The following ATG10 variants were observed in gnomAD, a reference collection of about 807,000 sequenced individuals.
ATG10 encodes autophagy related 10.
Under a neutral mutation model 32.1 loss-of-function variants are expected in ATG10, and 30 were observed. The ratio of observed to expected loss-of-function variants is 0.94; its 90% CI spans 0.70 to 1.27. The LOEUF (loss-of-function observed/expected upper bound fraction) is 1.27, where lower values mean the gene tolerates loss of function less well. Ranked by LOEUF, ATG10 falls within the 50% of genes most tolerant of loss-of-function variation. The pLI is 0.00. For synonymous variants in ATG10, 87 were observed against 91.5 expected, an observed-to-expected ratio of 0.95 and a Z score of 0.28; for missense variants, 233 against 262.3, an observed-to-expected ratio of 0.89 and a Z score of 0.77.
chr5:82,204,304 A>G (rs1041709007), intron 5 of ATG10, among the ~76,000 whole-genome samples: 2 of 152,208 alleles, frequency 1.3e-5, no homozygotes, highest in East Asian at 1.9e-4. Flanking sequence ...CTGGGGTACA[A>G]TGAAGAGCAA....
At chr5:82,221,065 C>G (rs1745907445) in intron 5 of ATG10, among the ~76,000 whole-genome samples, 1 of 152,170 alleles carries the variant, frequency 6.6e-6, no homozygotes, top group Non-Finnish European at 1.5e-5. Context: ...CCTTCCATCT[C>G]TTTTATGGTT....
intron 5 of ATG10, among the ~76,000 whole-genome samples, chr5:82,192,387 A>G (rs1007194048): frequency 1.3e-5 from 2 of 152,174 alleles, no homozygotes; most frequent in Admixed American, 6.5e-5. Flanking sequence ...CAAGTAGAGA[A>G]TAGATTCTGG....
chr5:82,038,181 A>G (rs1762989114), intron 2 of ATG10, among the ~76,000 whole-genome samples: 1 of 152,238 alleles, frequency 6.6e-6, no homozygotes, highest in Non-Finnish European at 1.5e-5. Context: ...GGGAGAGTAA[A>G]GCAGAGGAGG....
At chr5:82,116,633 A>T (rs1001359803) in intron 3 of ATG10, among the ~76,000 whole-genome samples, 1 of 152,086 alleles carries the variant, frequency 6.6e-6, no homozygotes, top group Non-Finnish European at 1.5e-5. Flanking sequence ...GGTCTATTAT[A>T]TTATTGCCTC....
At chr5:82,034,753 C>T (rs1331323541) in intron 2 of ATG10, among the ~76,000 whole-genome samples, 1 of 152,012 alleles carries the variant, frequency 6.6e-6, no homozygotes, top group Non-Finnish European at 1.5e-5. Context: ...GTGTTCTTCC[C>T]CTAGATAGCT....
chr5:82,051,634 C>T (rs911666350), intron 2 of ATG10, among the ~76,000 whole-genome samples: 1 of 152,088 alleles, frequency 6.6e-6, no homozygotes, highest in Non-Finnish European at 1.5e-5. Flanking sequence ...TCAGAGTTCA[C>T]CCTGGCCAGG....
At chr5:82,147,039 T>C (rs577304873) in intron 3 of ATG10, 8 of 152,752 alleles carry the variant, frequency 5.2e-5, no homozygotes, top group Admixed American at 3.9e-4. Flanking sequence ...TAGATTTCAT[T>C]ACATTCTTCT....
At chr5:82,201,958 A>G (rs999855416) in intron 5 of ATG10, among the ~76,000 whole-genome samples, 1 of 152,190 alleles carries the variant, frequency 6.6e-6, no homozygotes, top group African/African-American at 2.4e-5. Flanking sequence ...TAGAAATACA[A>G]TTAATTTTTG....
chr5:82,058,078 A>C (rs1411340416), intron 2 of ATG10, among the ~76,000 whole-genome samples: 2 of 152,188 alleles, frequency 1.3e-5, no homozygotes, highest in Non-Finnish European at 2.9e-5. Flanking sequence ...TCTTGCCTTG[A>C]GAAAGAAATT....
intron 2 of ATG10, among the ~76,000 whole-genome samples, chr5:82,040,404 G>C (rs1040622912): frequency 6.6e-6 from 1 of 152,150 alleles, no homozygotes; most frequent in Non-Finnish European, 1.5e-5. Context: ...CAGTGAAACA[G>C]GCATTCTCAT....
At position 82,252,602 on chromosome 5, in the gene ATG10, C is replaced by T. The variant is rs756769173; in HGVS notation, c.494C>T (p.Pro165Leu). The change falls in exon 6 of 8, where the codon CCC becomes CTC. Residue 165 changes from proline to leucine, a missense_variant. Pro to Leu is a moderately conservative substitution (Grantham distance 98). Coordinates refer to ENST00000282185, the MANE Select transcript of ATG10 (RefSeq NM_031482.5). ...GGGCAACCCTTTTTTGTACTTCATC[C>T]CTGCAAGACGAATGAATTCATGACT... ...ILGQPFFVLH[P>L]CKTNEFMTPV... 102 of 1,607,610 alleles carry T rather than the reference C, an allele frequency of 6.3e-5. No individual in the cohort carries two copies. The highest frequency in any genetic ancestry group is 8.5e-5 in the Non-Finnish European group (100 of 1,177,474).
At chr5:82,050,634 T>A (rs1763381607) in intron 2 of ATG10, among the ~76,000 whole-genome samples, 1 of 151,864 alleles carries the variant, frequency 6.6e-6, no homozygotes, top group African/African-American at 2.4e-5. Context: ...CTATAATAGA[T>A]GATATAATCC....
At chr5:82,248,860 A>T (rs1440809375) in intron 5 of ATG10, among the ~76,000 whole-genome samples, 1 of 151,780 alleles carries the variant, frequency 6.6e-6, no homozygotes, top group Non-Finnish European at 1.5e-5. Flanking sequence ...ATAAATTTAA[A>T]CTTTTAATTT....
intron 3 of ATG10, among the ~76,000 whole-genome samples, chr5:82,109,726 C>A (rs918775383): frequency 7.3e-5 from 11 of 151,364 alleles, no homozygotes; most frequent in Non-Finnish European, 1.5e-4. Flanking sequence ...CTTTCTAATT[C>A]TTCGCTCCTT....
intron 5 of ATG10, among the ~76,000 whole-genome samples, chr5:82,230,341 G>A (rs935830509): frequency 3.3e-5 from 5 of 152,048 alleles, no homozygotes; most frequent in African/African-American, 9.7e-5. Flanking sequence ...CAACAAATAC[G>A]AAATACAAAT....
rs531611531 is a variant in ATG10, at chr5:82,189,552, G to C, written c.453+10965G>C. 7.2e-5 allele frequency among the ~76,000 whole-genome samples: 11 copies of C among 152,270 alleles called. No individual in the cohort carries two copies. The South Asian group carries it at 1.0e-3, about 14-fold the overall frequency. ...GGTTTACACTGTTAAAGTCTTTACT[G>C]GCAGCTTACTGTTCAAATTCAGCCT... On this transcript the variant is annotated intron_variant, in intron 5 of 7. Transcript: ENST00000282185.
chr5:82,156,988 TA>T (rs1391859742), intron 3 of ATG10, among the ~76,000 whole-genome samples: 22 of 152,138 alleles, frequency 1.4e-4, no homozygotes, highest in African/African-American at 4.8e-4. Flanking sequence ...TATGCAGTCT[TA>T]AAAGAAACAG....
intron 3 of ATG10, among the ~76,000 whole-genome samples, chr5:82,150,031 T>C (rs1034110412): frequency 5.7e-5 from 4 of 70,412 alleles, no homozygotes; most frequent in Non-Finnish European, 1.1e-4. Flanking sequence ...TAAATTCATG[T>C]ATAGAGGAAC....
At chr5:82,097,661 A>G (rs922160023) in intron 3 of ATG10, among the ~76,000 whole-genome samples, 1 of 152,220 alleles carries the variant, frequency 6.6e-6, no homozygotes, top group African/African-American at 2.4e-5. Context: ...TAATAGCTCA[A>G]TTTTAATAAT....
Sources: gnomAD v4.1 joint callset for allele counts (sites outside exome capture counted in the v4.1 genomes callset) on GRCh38, gnomAD v4.1.1 for gene constraint, MANE v1.5 for transcripts, NCBI Gene and HGNC (gene_info 2026-07-23, HGNC 2026-07-21) for gene names.